FAAH2: variants seen among roughly 807,000 people sequenced by gnomAD.
FAAH2 encodes the protein fatty-acid amide hydrolase 2.
In FAAH2, 60 loss-of-function variants were observed where a neutral mutation model predicts 36.9. The observed-to-expected ratio is 1.63, with a 90% CI of 1.32 to 2.02. The LOEUF (loss-of-function observed/expected upper bound fraction) is 2.02, where lower values mean the gene tolerates loss of function less well. Ranked by LOEUF, FAAH2 falls within the 30% of genes most tolerant of loss-of-function variation. The pLI, the probability that FAAH2 is intolerant of heterozygous loss-of-function variation, is 0.00. For missense variants in FAAH2, 689 were observed against 397.5 expected, an observed-to-expected ratio of 1.73 and a Z score of -6.23; for synonymous variants, 214 against 143.8, an observed-to-expected ratio of 1.49 and a Z score of -3.49.
chrX:57,417,843 C>G (rs1238826330), intron 7 of FAAH2, among the ~76,000 whole-genome samples: 7 of 111,938 alleles, frequency 6.3e-5, no homozygotes, highest in African/African-American at 2.3e-4. Flanking sequence ...CGCCCCTTCC[C>G]CCAGGTTCTC....
chrX:57,185,640 A>G, the FAAH2 span, among the ~76,000 whole-genome samples: 2 of 110,029 alleles, frequency 1.8e-5, no homozygotes, highest in East Asian at 5.8e-4. Flanking sequence ...TACCACACCT[A>G]TCAAACTGTC....
intron 8 of FAAH2, among the ~76,000 whole-genome samples, chrX:57,432,918 C>A (rs1165105834): frequency 9.2e-6 from 1 of 109,247 alleles, no homozygotes; most frequent in African/African-American, 3.3e-5. Context: ...TAAGATATCT[C>A]ACATACAATA....
At chrX:57,294,609 A>T (rs780623208) in intron 2 of FAAH2, among the ~76,000 whole-genome samples, 128 of 111,625 alleles carry the variant, frequency 1.1e-3, no homozygotes, top group African/African-American at 2.6e-3. Flanking sequence ...TCCTATTCTA[A>T]TCGTACGGAA....
the FAAH2 span, among the ~76,000 whole-genome samples, chrX:57,219,074 G>C: frequency 8.9e-6 from 1 of 111,847 alleles, no homozygotes; most frequent in Non-Finnish European, 1.9e-5. Context: ...AAAATAGCCA[G>C]TCAGAAGACA....
the FAAH2 span, among the ~76,000 whole-genome samples, chrX:57,140,425 A>G: frequency 9.5e-6 from 1 of 105,429 alleles, no homozygotes; most frequent in East Asian, 2.9e-4. Flanking sequence ...ACCAAAAAAA[A>G]AAAAAAAAAA....
the FAAH2 span, among the ~76,000 whole-genome samples, chrX:57,251,270 A>C: frequency 8.9e-6 from 1 of 112,285 alleles, no homozygotes; most frequent in East Asian, 2.8e-4. Context: ...ATCTTAATAG[A>C]TGCAGTGAAA....
chrX:57,488,504 A>G (rs1400511383), intron 10 of FAAH2, among the ~76,000 whole-genome samples: 1 of 111,533 alleles, frequency 9.0e-6, no homozygotes, highest in African/African-American at 3.3e-5. Context: ...GTGATCTTGG[A>G]TATGTTATCT....
In FAAH2 at chrX:57,409,690, A is replaced by G. The variant is rs771892999; in HGVS notation, c.997-22228A>G. On this transcript the variant is annotated intron_variant, in intron 7 of 10. Coordinates refer to ENST00000374900, the MANE Select transcript of FAAH2 (RefSeq NM_174912.4). ...TATAGGTTATCCAATCTGTTGACAT[A>G]TAATTGTTTATATTAGTCTCTTACA... 5.6e-4 allele frequency among the ~76,000 whole-genome samples: 62 copies of G among 111,242 alleles called. 1 individual carries two copies. The highest frequency in any genetic ancestry group is 1.7e-3 in the African/African-American group (53 of 30,852).
intron 10 of FAAH2, among the ~76,000 whole-genome samples, chrX:57,487,376 A>T (rs756464323): frequency 3.0e-4 from 34 of 111,835 alleles, no homozygotes; most frequent in Non-Finnish European, 5.3e-4. Context: ...TTTGCAAATT[A>T]TATAACGCCT....
At chrX:57,258,405 C>A in the FAAH2 span, among the ~76,000 whole-genome samples, 21 of 110,066 alleles carry the variant, frequency 1.9e-4, no homozygotes, top group African/African-American at 6.6e-4. Flanking sequence ...TTAAGCTAAC[C>A]CCCAAAGCAA....
Position 57,432,005 on chromosome X carries a change from G to A in FAAH2, c.1084G>A (p.Ala362Thr), listed in dbSNP as rs138462668. ...KMKYSFQLWI[A>T]MMSAKGHDGK... ...GAAGTACTCTTTTCAGTTGTGGATC[G>A]CAATGATGTCAGCAAAGGGACATGA... Residue 362 changes from alanine (A) to threonine (T), a missense_variant, in exon 8 of 11, where the codon GCA becomes ACA. Transcript: ENST00000374900. 1.8e-3 allele frequency: 2,190 copies of A among 1,201,546 alleles called. 3 individuals carry two copies. The highest frequency in any genetic ancestry group is 2.2e-3 in the Non-Finnish European group (1,998 of 890,847).
intron 3 of FAAH2, among the ~76,000 whole-genome samples, chrX:57,330,408 G>T (rs867180551): frequency 9.0e-6 from 1 of 111,557 alleles, no homozygotes; most frequent in African/African-American, 3.3e-5. Flanking sequence ...AATAAATTTT[G>T]TTCAGACTGG....
At chrX:57,354,335 A>G (rs1458745456) in intron 5 of FAAH2, among the ~76,000 whole-genome samples, 4 of 110,992 alleles carry the variant, frequency 3.6e-5, no homozygotes, top group African/African-American at 1.3e-4. Flanking sequence ...TTACAGAAAG[A>G]TAAGTATTAC....
chrX:57,247,996 CATTT>C, the FAAH2 span, among the ~76,000 whole-genome samples: 1 of 112,065 alleles, frequency 8.9e-6, no homozygotes, highest in Non-Finnish European at 1.9e-5. Flanking sequence ...ATTTTCAGAT[CATTT>C]ATTTATTTAA....
the FAAH2 span, among the ~76,000 whole-genome samples, chrX:57,194,801 G>A: frequency 2.7e-5 from 3 of 111,090 alleles, no homozygotes; most frequent in African/African-American, 6.5e-5. Flanking sequence ...AGTCCTCATA[G>A]CATATCTCCT....
At chrX:57,293,816 C>G (rs773057525) in intron 2 of FAAH2, among the ~76,000 whole-genome samples, 27 of 110,996 alleles carry the variant, frequency 2.4e-4, no homozygotes, top group African/African-American at 7.2e-4. Flanking sequence ...TGGGCTACTA[C>G]TAGGAGACTG....
At chrX:57,461,833 C>T (rs1177206252) in intron 10 of FAAH2, among the ~76,000 whole-genome samples, 1 of 109,848 alleles carries the variant, frequency 9.1e-6, no homozygotes, top group Non-Finnish European at 1.9e-5. Flanking sequence ...CTCAAAAAAA[C>T]TTTAAAAAAA....
chrX:57,225,411 A>C, the FAAH2 span, among the ~76,000 whole-genome samples: 3 of 112,179 alleles, frequency 2.7e-5, no homozygotes, highest in Admixed American at 1.9e-4. Context: ...ATGCTCATTC[A>C]GGAGCAGGTT....
the FAAH2 span, among the ~76,000 whole-genome samples, chrX:57,144,085 G>T: frequency 8.9e-6 from 1 of 112,137 alleles, no homozygotes; most frequent in African/African-American, 3.2e-5. Flanking sequence ...TTTGCTGGCA[G>T]TATTCTCAGC....
Sources: allele counts gnomAD v4.1 joint callset (sites outside exome capture counted in the v4.1 genomes callset), GRCh38; gene constraint gnomAD v4.1.1; transcripts MANE v1.5; gene names NCBI Gene and HGNC (gene_info 2026-07-23, HGNC 2026-07-21).